Variants in DPP6 observed in about 807,000 individuals in gnomAD.
DPP6 encodes A-type potassium channel modulatory protein DPP6.
In DPP6, 69 loss-of-function variants were observed where a neutral mutation model predicts 122.6. The observed-to-expected ratio is 0.56, with a 90% CI of 0.46 to 0.69. The LOEUF is 0.69. DPP6 is among the 30% of genes least tolerant of loss of function. DPP6 has a pLI of 0.00. For missense variants in DPP6, 928 were observed against 1,116.9 expected (o/e 0.83, Z 2.41); for synonymous variants, 418 against 433.1 (o/e 0.97, Z 0.43).
chr7:154,076,797 C>T (rs192828171), intron 1 of DPP6, among the ~76,000 whole-genome samples: 1 of 152,100 alleles, frequency 6.6e-6, no homozygotes. Flanking sequence ...CAAGGTGTAC[C>T]CTCAGTCTCC....
intron 1 of DPP6, among the ~76,000 whole-genome samples, chr7:154,394,374 C>T (rs973437319): frequency 6.6e-5 from 10 of 151,744 alleles, no homozygotes; most frequent in Non-Finnish European, 1.3e-4. Flanking sequence ...TGCTATTTGG[C>T]CATTTGTGTA....
chr7:154,388,623 T>C (rs916333597), intron 1 of DPP6, among the ~76,000 whole-genome samples: 8 of 152,108 alleles, frequency 5.3e-5, no homozygotes, highest in Admixed American at 5.2e-4. Flanking sequence ...GAACCTGCCC[T>C]GATGCCCAGG....
At chr7:154,231,085 G>T (rs1251358459) in intron 1 of DPP6, among the ~76,000 whole-genome samples, 2 of 152,090 alleles carry the variant, frequency 1.3e-5, no homozygotes, top group Non-Finnish European at 2.9e-5. Context: ...ATATTGAGCT[G>T]TTTCATTATT....
chr7:153,929,379 G>A (rs1342313595), intron 1 of DPP6, among the ~76,000 whole-genome samples: 1 of 152,130 alleles, frequency 6.6e-6, no homozygotes, highest in East Asian at 1.9e-4. Context: ...TTGTGATTGG[G>A]AAAGCTGTGG....
chr7:154,647,295 G>T (rs1836546280), intron 6 of DPP6, among the ~76,000 whole-genome samples: 1 of 152,284 alleles, frequency 6.6e-6, no homozygotes, highest in Middle Eastern at 3.4e-3. Flanking sequence ...TTTACTTGCT[G>T]CCCTTGACAA....
At chr7:153,816,703 C>T in the DPP6 span, among the ~76,000 whole-genome samples, 1 of 152,106 alleles carries the variant, frequency 6.6e-6, no homozygotes, top group Non-Finnish European at 1.5e-5. Context: ...CATTAATAAA[C>T]ATATCCCAGT....
At chr7:154,810,962 GTTGATTCAGAAACTGAA>G (rs1799023835) in intron 16 of DPP6, among the ~76,000 whole-genome samples, 3 of 152,166 alleles carry the variant, frequency 2.0e-5, no homozygotes, top group Non-Finnish European at 4.4e-5. Context: ...CCTTTCTTTT[GTTGATTCAGAAACTGAA>G]CTCTTAGTCA....
chr7:153,812,378 C>A, the DPP6 span, among the ~76,000 whole-genome samples: 1 of 151,912 alleles, frequency 6.6e-6, no homozygotes, highest in Non-Finnish European at 1.5e-5. Flanking sequence ...ATTTTTGTAC[C>A]AATTCCTCAC....
Position 154,540,548 on chromosome 7 carries a change from C to T in DPP6, c.474C>T (p.Tyr158=), listed in dbSNP as rs1236243896. The T allele has an allele frequency of 1.9e-6, 3 of 1,607,054 alleles. No homozygotes were observed. Among genetic ancestry groups the T allele is most frequent in the Non-Finnish European group, 2.6e-6 (3 of 1,175,644 alleles). ...CTCTTACAGATACAGAATTCATCTA[C>T]AGAGAACAGAAAGGAACAGTGAGAC... ...AKWISDTEFI[Y]REQKGTVRLW... The change falls in exon 4 of 26, where the codon TAC becomes TAT. Residue 158 remains tyrosine (Y), a synonymous_variant. Coordinates refer to ENST00000377770, the MANE Select transcript of DPP6 (RefSeq NM_130797.4).
the DPP6 span, among the ~76,000 whole-genome samples, chr7:153,871,936 G>A: frequency 6.6e-5 from 10 of 152,102 alleles, no homozygotes; most frequent in Admixed American, 2.0e-4. Flanking sequence ...AGCAAACACC[G>A]CTGCGAATAT....
chr7:153,922,679 T>G (rs985623556), intron 1 of DPP6, among the ~76,000 whole-genome samples: 1 of 152,212 alleles, frequency 6.6e-6, no homozygotes, highest in Non-Finnish European at 1.5e-5. Context: ...AAGTGGTCCA[T>G]AAAACAGTGT....
the DPP6 span, among the ~76,000 whole-genome samples, chr7:153,748,297 G>A: frequency 0.41 from 61,203 of 150,430 alleles, 12,939 homozygotes; most frequent in East Asian, 0.7. Context: ...AAGATTTGGC[G>A]GCTGGAGCCC....
chr7:154,463,890 T>C (rs1420806361), intron 2 of DPP6, among the ~76,000 whole-genome samples: 1 of 152,078 alleles, frequency 6.6e-6, no homozygotes, highest in African/African-American at 2.4e-5. Context: ...AAAGAGTCTC[T>C]CCTAGAGCTG....
At chr7:153,997,050 T>TCC (rs972024303) in intron 1 of DPP6, among the ~76,000 whole-genome samples, 3 of 152,114 alleles carry the variant, frequency 2.0e-5, no homozygotes, top group Non-Finnish European at 2.9e-5. Flanking sequence ...TCTCTCTCTC[T>TCC]CCATCCAATG....
the DPP6 span, among the ~76,000 whole-genome samples, chr7:153,819,116 T>C: frequency 7.9e-6 from 1 of 125,794 alleles, no homozygotes; most frequent in Non-Finnish European, 1.6e-5. Flanking sequence ...CAGAGGTGCA[T>C]GTGCAGGTTT....
intron 1 of DPP6, among the ~76,000 whole-genome samples, chr7:154,042,640 A>C (rs1799821764): frequency 6.6e-6 from 1 of 152,350 alleles, no homozygotes; most frequent in African/African-American, 2.4e-5. Flanking sequence ...ATTATCCCTG[A>C]GCTAAAAGTC....
At chr7:154,052,080 C>G (rs935625697), upstream of DPP6, among the ~76,000 whole-genome samples, 7 of 149,098 alleles carry the variant, frequency 4.7e-5, no homozygotes, top group Non-Finnish European at 9.0e-5. The surrounding 1 kb of genome is among the most constrained non-coding windows in gnomAD (Gnocchi z 4.8). Context: ...CCTCGACCTC[C>G]GCATCCCCTT....
At chr7:153,784,316 A>G in the DPP6 span, among the ~76,000 whole-genome samples, 1 of 152,248 alleles carries the variant, frequency 6.6e-6, no homozygotes, top group Non-Finnish European at 1.5e-5. Flanking sequence ...ATTTAATTGT[A>G]GAAGATGGAG....
At chr7:154,666,614 A>G (rs1156477339) in intron 6 of DPP6, among the ~76,000 whole-genome samples, 1 of 152,064 alleles carries the variant, frequency 6.6e-6, no homozygotes, top group Non-Finnish European at 1.5e-5. Context: ...CCTCCTGTCT[A>G]ACTGAAACTT....
Sources: allele counts gnomAD v4.1 joint callset (sites outside exome capture counted in the v4.1 genomes callset), GRCh38; gene constraint gnomAD v4.1.1; non-coding constraint Gnocchi (gnomAD v3.1); transcripts MANE v1.5; gene names NCBI Gene and HGNC (gene_info 2026-07-23, HGNC 2026-07-21).